PLPP1: variants seen among roughly 807,000 people sequenced by gnomAD.
PLPP1 encodes the protein phospholipid phosphatase 1, also known as lipid phosphate phosphohydrolase 1a.
In PLPP1, 24 loss-of-function variants were observed where a neutral mutation model predicts 31.2. That is an observed-to-expected ratio of 0.77 (90% confidence interval 0.56 to 1.08). The LOEUF (loss-of-function observed/expected upper bound fraction) is 1.08. Among genes scored for constraint, PLPP1 ranks in the 50% least tolerant of loss-of-function variants. The probability of loss-of-function intolerance (pLI) is 0.00; values close to 1 mark genes in which losing one functional copy is unlikely to be tolerated. For missense variants in PLPP1, 319 were observed against 342.7 expected (o/e 0.93, Z 0.55); for synonymous variants, 146 against 126.3 (o/e 1.16, Z -1.05).
chr5:55,489,256 C>T (rs1422748309), intron 1 of PLPP1, among the ~76,000 whole-genome samples: 1 of 152,084 alleles, frequency 6.6e-6, no homozygotes. Flanking sequence ...CAATTATCTC[C>T]TCAAATACAG....
In PLPP1 at chr5:55,457,170, A is replaced by G. The variant is rs1424661465; in HGVS notation, c.491+10699T>C. ...GTGAGACTCCGTCTCAGACCAAAAAAAAAAAAAAAGCTATAAATAATAATT... is the reference window on the plus strand; with the variant it reads ...GTGAGACTCCGTCTCAGACCAAAAAGAAAAAAAAAGCTATAAATAATAATT... On this transcript the variant is annotated intron_variant, in intron 3 of 5. Transcript: ENST00000307259. 2.6e-5 allele frequency among the ~76,000 whole-genome samples: 4 copies of G among 152,202 alleles called. No individual in the cohort carries two copies. In the South Asian group the frequency reaches 6.2e-4, roughly 24 times the overall value.
chr5:55,442,224 CT>C (rs1751636848), intron 3 of PLPP1, among the ~76,000 whole-genome samples: 1 of 152,138 alleles, frequency 6.6e-6, no homozygotes, highest in Non-Finnish European at 1.5e-5. Context: ...CACAAATTGC[CT>C]TGACTTTATT....
intron 1 of PLPP1, chr5:55,530,691 C>T (rs1376225739): frequency 6.3e-7 from 1 of 1,586,858 alleles, no homozygotes; most frequent in Non-Finnish European, 8.7e-7. Context: ...CCGTTCAGGG[C>T]ATGCTCTCTC....
chr5:55,440,341 A>G (rs1246201345), intron 4 of PLPP1, among the ~76,000 whole-genome samples: 1 of 152,228 alleles, frequency 6.6e-6, no homozygotes, highest in Admixed American at 6.5e-5. Flanking sequence ...CTCTCAGGAT[A>G]GTAACGGCTC....
chr5:55,483,531 G>T (rs1275696232), intron 1 of PLPP1, among the ~76,000 whole-genome samples: 1 of 151,930 alleles, frequency 6.6e-6, no homozygotes, highest in Non-Finnish European at 1.5e-5. Flanking sequence ...AATTAGCCAG[G>T]CATGGTGGCA....
At chr5:55,515,501 C>G (rs1753536831) in intron 1 of PLPP1, among the ~76,000 whole-genome samples, 1 of 152,152 alleles carries the variant, frequency 6.6e-6, no homozygotes, top group African/African-American at 2.4e-5. Context: ...TTCCTCAATC[C>G]AACTTTTTCA....
chr5:55,471,427 C>G (rs1038479890), intron 2 of PLPP1, among the ~76,000 whole-genome samples: 1 of 152,116 alleles, frequency 6.6e-6, no homozygotes. Flanking sequence ...GTCTCGAACT[C>G]CTGACTTTGT....
At chr5:55,504,737 AAT>A (rs1263320017) in intron 1 of PLPP1, among the ~76,000 whole-genome samples, 1 of 152,016 alleles carries the variant, frequency 6.6e-6, no homozygotes, top group African/African-American at 2.4e-5. Flanking sequence ...TGTTCAGCAG[AAT>A]ATGACTTCAC....
chr5:55,488,050 G>T (rs1471998898), intron 1 of PLPP1, among the ~76,000 whole-genome samples: 2 of 151,996 alleles, frequency 1.3e-5, no homozygotes, highest in Non-Finnish European at 2.9e-5. Flanking sequence ...TCCAGCCTGG[G>T]CAACAGGACA....
chr5:55,510,624 C>G (rs1391759918), intron 1 of PLPP1, among the ~76,000 whole-genome samples: 2 of 152,216 alleles, frequency 1.3e-5, no homozygotes, highest in African/African-American at 4.8e-5. Context: ...ATGCTCTACA[C>G]AATGACCCCA....
intron 1 of PLPP1, among the ~76,000 whole-genome samples, chr5:55,481,263 A>G (rs938660429): frequency 2.6e-5 from 4 of 152,064 alleles, no homozygotes; most frequent in Admixed American, 6.6e-5. Flanking sequence ...CTGGTTAAAA[A>G]CTCTTTTACA....
At chr5:55,430,855 G>A (rs1381476132) in intron 4 of PLPP1, among the ~76,000 whole-genome samples, 1 of 151,936 alleles carries the variant, frequency 6.6e-6, no homozygotes, top group African/African-American at 2.4e-5. Context: ...AGAAATCAGA[G>A]AAACCATTTA....
chr5:55,453,728 T>C (rs1751943376), intron 3 of PLPP1, among the ~76,000 whole-genome samples: 1 of 152,116 alleles, frequency 6.6e-6, no homozygotes, highest in Admixed American at 6.6e-5. Context: ...ATCACCTGAG[T>C]TCAGGAGTTT....
chr5:55,448,816 C>T (rs1751829023), intron 3 of PLPP1, among the ~76,000 whole-genome samples: 1 of 152,084 alleles, frequency 6.6e-6, no homozygotes. Context: ...CCTGGACCTT[C>T]CAAGGATACC....
At chr5:55,486,856 T>C (rs1412759111) in intron 1 of PLPP1, among the ~76,000 whole-genome samples, 1 of 151,726 alleles carries the variant, frequency 6.6e-6, no homozygotes, top group Non-Finnish European at 1.5e-5. Context: ...GAGGTTGCAG[T>C]GAGCCAAAAT....
chr5:55,510,530 C>A (rs1417758379), intron 1 of PLPP1, among the ~76,000 whole-genome samples: 3 of 152,188 alleles, frequency 2.0e-5, no homozygotes, highest in Non-Finnish European at 4.4e-5. Context: ...GTCAATCTTA[C>A]TATACATTTT....
chr5:55,477,979 TAA>T (rs34723510), intron 1 of PLPP1, among the ~76,000 whole-genome samples: 2 of 140,196 alleles, frequency 1.4e-5, no homozygotes, highest in African/African-American at 2.6e-5. Context: ...CACTCTGTCT[TAA>T]AAAAAAAAAA....
intron 5 of PLPP1, chr5:55,425,568 G>C (rs1331365348): frequency 6.6e-6 from 3 of 454,848 alleles, no homozygotes; most frequent in Non-Finnish European, 3.7e-6. Context: ...CTGAATAAAA[G>C]AGTTATTTCT....
chr5:55,491,248 G>A (rs981428369), intron 1 of PLPP1: 1 of 876,880 alleles, frequency 1.1e-6, no homozygotes, highest in South Asian at 1.9e-5. Context: ...TTATACCCAA[G>A]GGCAAAGATT....
Sources: gnomAD v4.1 joint callset for allele counts (sites outside exome capture counted in the v4.1 genomes callset) on GRCh38, gnomAD v4.1.1 for gene constraint, MANE v1.5 for transcripts, NCBI Gene and HGNC (gene_info 2026-07-23, HGNC 2026-07-21) for gene names.